ANKS1B: variants seen among roughly 807,000 people sequenced by gnomAD.
ANKS1B encodes ankyrin repeat and sterile alpha motif domain-containing protein 1B.
ANKS1B carries 36 observed loss-of-function variants against 148.3 expected under a neutral mutation model. That is an observed-to-expected ratio of 0.24 (90% CI 0.19 to 0.32). ANKS1B has a LOEUF of 0.32. Among genes scored for constraint, ANKS1B ranks in the 10% least tolerant of loss-of-function variants. ANKS1B has a pLI of 1.00. For synonymous variants in ANKS1B, 542 were observed against 560.8 expected (o/e 0.97, Z 0.47); for missense variants, 1,157 against 1,542.6 (o/e 0.75, Z 4.19).
intron 17 of ANKS1B, among the ~76,000 whole-genome samples, chr12:98,946,203 T>C (rs968300121): frequency 1.3e-5 from 2 of 152,046 alleles, no homozygotes; most frequent in South Asian, 4.2e-4. Context: ...TCTCAAAGAG[T>C]CATCTTTCCC....
intron 10 of ANKS1B, among the ~76,000 whole-genome samples, chr12:99,472,219 C>A (rs973897448): frequency 1.3e-5 from 2 of 152,052 alleles, no homozygotes; most frequent in Non-Finnish European, 2.9e-5. Context: ...GTATGACACT[C>A]CACTTAAATA....
chr12:99,218,426 A>C (rs946337150), intron 14 of ANKS1B, among the ~76,000 whole-genome samples: 9 of 152,236 alleles, frequency 5.9e-5, no homozygotes, highest in African/African-American at 1.9e-4. Flanking sequence ...CCACAGTAGT[A>C]TTCAGGTCCT....
At chr12:98,854,478 A>G (rs948497214) in intron 17 of ANKS1B, among the ~76,000 whole-genome samples, 9 of 151,806 alleles carry the variant, frequency 5.9e-5, no homozygotes, top group South Asian at 2.1e-4. Context: ...CGCAATTTAC[A>G]ACCTGTATGG....
At chr12:99,537,506 T>C (rs1440940265) in intron 9 of ANKS1B, among the ~76,000 whole-genome samples, 1 of 152,182 alleles carries the variant, frequency 6.6e-6, no homozygotes, top group African/African-American at 2.4e-5. Flanking sequence ...ATTTCTCCAA[T>C]GATCAATGAT....
intron 14 of ANKS1B, among the ~76,000 whole-genome samples, chr12:99,190,993 T>G (rs1423102978): frequency 4.7e-5 from 7 of 148,698 alleles, no homozygotes; most frequent in Non-Finnish European, 1.0e-4. Context: ...TAAACAAATT[T>G]TCAAGAAAAA....
chr12:99,574,054 C>T (rs2097490490), intron 9 of ANKS1B, among the ~76,000 whole-genome samples: 1 of 152,040 alleles, frequency 6.6e-6, no homozygotes, highest in Admixed American at 6.6e-5. Flanking sequence ...CAGGAATTGC[C>T]TTGACCAACA....
chr12:99,026,780 T>C (rs964530849), intron 17 of ANKS1B, among the ~76,000 whole-genome samples: 8 of 152,080 alleles, frequency 5.3e-5, no homozygotes, highest in Non-Finnish European at 1.0e-4. Context: ...CAAATTCAGA[T>C]TTACAGGAAA....
intron 9 of ANKS1B, among the ~76,000 whole-genome samples, chr12:99,574,281 C>T (rs2097493379): frequency 6.6e-6 from 1 of 152,098 alleles, no homozygotes. Context: ...AAATCACCTA[C>T]ACGTAAATCT....
chr12:99,175,747 GCAA>G (rs2078305552), intron 14 of ANKS1B, among the ~76,000 whole-genome samples: 1 of 152,222 alleles, frequency 6.6e-6, no homozygotes, highest in Non-Finnish European at 1.5e-5. Context: ...TTGAAGAAGA[GCAA>G]CAACAAATAG....
chr12:99,881,979 T>C (rs917265012), intron 1 of ANKS1B, among the ~76,000 whole-genome samples: 1 of 152,308 alleles, frequency 6.6e-6, no homozygotes, highest in African/African-American at 2.4e-5. Context: ...AATGCCAAGA[T>C]GATACATATG....
chr12:99,040,535 C>T (rs567008015), intron 17 of ANKS1B, among the ~76,000 whole-genome samples: 49 of 152,206 alleles, frequency 3.2e-4, no homozygotes, highest in Middle Eastern at 3.4e-3. Flanking sequence ...CCTAGTGTAC[C>T]GCCTTTCATG....
At chr12:99,714,470 T>C (rs1341400274) in intron 8 of ANKS1B, among the ~76,000 whole-genome samples, 1 of 152,206 alleles carries the variant, frequency 6.6e-6, no homozygotes, top group East Asian at 1.9e-4. Context: ...GCACCATTTT[T>C]CCAACAGCAT....
At position 99,248,187 on chromosome 12, in the gene ANKS1B, T is replaced by G. The variant is rs1196098388; in HGVS notation, c.1757-1323A>C. On this transcript the variant is annotated intron_variant, in intron 12 of 26. Transcript: ENST00000683438. Reference sequence around the variant, plus strand: ...AAGAAATTGGCAACCATAATAAATCTTATTAGACATTGGCTCAGAAGATGC... The same window carrying G: ...AAGAAATTGGCAACCATAATAAATCGTATTAGACATTGGCTCAGAAGATGC... 3.3e-5 allele frequency among the ~76,000 whole-genome samples: 5 copies of G among 152,152 alleles called. No individual in the cohort carries two copies. The South Asian group carries it at 6.2e-4, about 19-fold the overall frequency.
At chr12:98,767,802 C>T (rs2153460356) in intron 25 of ANKS1B, among the ~76,000 whole-genome samples, 1 of 152,322 alleles carries the variant, frequency 6.6e-6, no homozygotes, top group Middle Eastern at 3.4e-3. Context: ...AAATAAAATA[C>T]AGAAGACAAC....
chr12:99,652,036 T>A (rs1199521338), intron 9 of ANKS1B, among the ~76,000 whole-genome samples: 2 of 150,244 alleles, frequency 1.3e-5, no homozygotes, highest in African/African-American at 4.9e-5. Flanking sequence ...TGTATATATA[T>A]AAACATGTTA....
chr12:98,870,568 T>A (rs2099656473), intron 17 of ANKS1B, among the ~76,000 whole-genome samples: 1 of 152,218 alleles, frequency 6.6e-6, no homozygotes, highest in Admixed American at 6.5e-5. Flanking sequence ...AGCTGGGAGA[T>A]GATGAGGAAA....
intron 24 of ANKS1B, among the ~76,000 whole-genome samples, chr12:98,777,220 C>T (rs1036128715): frequency 2.6e-5 from 4 of 152,066 alleles, no homozygotes; most frequent in African/African-American, 7.2e-5. Flanking sequence ...CAAAAAAACC[C>T]CCAAACAACA....
At chr12:99,538,149 G>A (rs2097091774) in intron 9 of ANKS1B, among the ~76,000 whole-genome samples, 1 of 152,010 alleles carries the variant, frequency 6.6e-6, no homozygotes, top group African/African-American at 2.4e-5. Flanking sequence ...ATACTGTTTT[G>A]GTTATTGTAG....
chr12:99,137,939 G>C (rs985689972), intron 15 of ANKS1B, among the ~76,000 whole-genome samples: 1 of 152,084 alleles, frequency 6.6e-6, no homozygotes, highest in African/African-American at 2.4e-5. Context: ...TTTGTGAGAG[G>C]AGGGACAGAG....
Sources: gnomAD v4.1 joint callset for allele counts (sites outside exome capture counted in the v4.1 genomes callset) on GRCh38, gnomAD v4.1.1 for gene constraint, MANE v1.5 for transcripts, NCBI Gene and HGNC (gene_info 2026-07-23, HGNC 2026-07-21) for gene names.